Variants in HTR1F observed in about 807,000 individuals in gnomAD.
HTR1F encodes the protein 5-hydroxytryptamine (serotonin) receptor 1F, G protein-coupled.
In HTR1F, 17 loss-of-function variants were observed where a neutral mutation model predicts 24.0. That is an observed-to-expected ratio of 0.71 (90% confidence interval 0.48 to 1.06). The LOEUF (loss-of-function observed/expected upper bound fraction) is 1.06. Among genes scored for constraint, HTR1F ranks in the 50% least tolerant of loss-of-function variants. The probability of loss-of-function intolerance (pLI) is 0.00; values close to 1 mark genes in which losing one functional copy is unlikely to be tolerated. For synonymous variants in HTR1F, 186 were observed against 156.8 expected (o/e 1.19, Z -1.39); for missense variants, 391 against 427.8 (o/e 0.91, Z 0.76).
chr3:87,944,757 A>C (rs1008407973), intron 2 of HTR1F, among the ~76,000 whole-genome samples: 1 of 152,204 alleles, frequency 6.6e-6, no homozygotes, highest in African/African-American at 2.4e-5. Context: ...TTCCTCTAAA[A>C]GTTACTTCTC....
intron 1 of HTR1F, among the ~76,000 whole-genome samples, chr3:87,799,424 T>C (rs988341337): frequency 1.3e-5 from 2 of 152,162 alleles, no homozygotes; most frequent in East Asian, 3.8e-4. Flanking sequence ...ATCAATATTG[T>C]TAATGGAAAA....
intron 2 of HTR1F, among the ~76,000 whole-genome samples, chr3:87,951,103 C>G (rs1704823612): frequency 1.3e-5 from 2 of 152,086 alleles, no homozygotes; most frequent in South Asian, 4.1e-4. Flanking sequence ...ACCTCCGAAA[C>G]TTGGAAAACC....
At chr3:87,885,139 A>T (rs1395246139) in intron 2 of HTR1F, among the ~76,000 whole-genome samples, 1 of 152,086 alleles carries the variant, frequency 6.6e-6, no homozygotes, top group Non-Finnish European at 1.5e-5. Flanking sequence ...ACAACAAACT[A>T]TCTCTCAGAC....
intron 2 of HTR1F, among the ~76,000 whole-genome samples, chr3:87,889,446 T>C (rs1232275811): frequency 6.6e-6 from 1 of 152,178 alleles, no homozygotes; most frequent in Non-Finnish European, 1.5e-5. Context: ...TTCAAACAAG[T>C]CTCTTCACTG....
At chr3:87,947,194 TTTC>T (rs1165159761) in intron 2 of HTR1F, among the ~76,000 whole-genome samples, 1 of 152,232 alleles carries the variant, frequency 6.6e-6, no homozygotes, top group African/African-American at 2.4e-5. Context: ...ATCATAATAT[TTTC>T]TTCTCATCAT....
intron 2 of HTR1F, among the ~76,000 whole-genome samples, chr3:87,880,122 A>T (rs1705757656): frequency 6.6e-6 from 1 of 152,176 alleles, no homozygotes; most frequent in South Asian, 2.1e-4. Flanking sequence ...AGAAATGCAA[A>T]CTATTCTACA....
chr3:87,849,816 T>C (rs184962521), intron 2 of HTR1F, among the ~76,000 whole-genome samples: 1 of 152,000 alleles, frequency 6.6e-6, no homozygotes, highest in Admixed American at 6.5e-5. Context: ...CAGACGCTTC[T>C]CAAAAGAGGA....
rs1704270021 is a variant in HTR1F, at chr3:87,931,461, G to T, written c.-42-59247G>T. On this transcript the variant is annotated intron_variant, in intron 2 of 2. Transcript: ENST00000319595. Reference sequence around the variant, plus strand: ...TCCAGTCTATCATTGTTGGACATTTGGGTTGGTTCCAAGTCTTTGCTATTG... The same window carrying T: ...TCCAGTCTATCATTGTTGGACATTTTGGTTGGTTCCAAGTCTTTGCTATTG... 3.3e-5 allele frequency among the ~76,000 whole-genome samples: 5 copies of T among 152,206 alleles called. No individual in the cohort carries two copies. The South Asian group carries it at 1.0e-3, about 32-fold the overall frequency.
intron 2 of HTR1F, among the ~76,000 whole-genome samples, chr3:87,899,105 C>G (rs539838206): frequency 6.6e-6 from 1 of 152,246 alleles, no homozygotes; most frequent in South Asian, 2.1e-4. Context: ...CTCTTTCAGC[C>G]TTATGAATTT....
At chr3:87,986,150 A>C (rs1394193700) in intron 2 of HTR1F, among the ~76,000 whole-genome samples, 1 of 152,218 alleles carries the variant, frequency 6.6e-6, no homozygotes, top group Non-Finnish European at 1.5e-5. Context: ...GATGGTCCCT[A>C]GCACCATGAA....
chr3:87,991,928 C>A lies in HTR1F; in HGVS notation c.*78C>A. On this transcript the variant is annotated 3_prime_UTR_variant, in exon 3 of 3. Coordinates refer to ENST00000319595, the MANE Select transcript of HTR1F (RefSeq NM_001322209.2). ...TAGATGAATGCCAAATAATAAAACA[C>A]TTAAGCTTTTAGAGGGAAATACATG... 7.9e-7 allele frequency: 1 copy of A among 1,262,832 alleles called. No individual in the cohort carries two copies. 78.2% of individuals were successfully genotyped at this position (1,262,832 alleles called of 1,614,324 possible).
At chr3:87,831,861 T>C (rs1267136517) in intron 2 of HTR1F, among the ~76,000 whole-genome samples, 1 of 152,218 alleles carries the variant, frequency 6.6e-6, no homozygotes, top group Non-Finnish European at 1.5e-5. Flanking sequence ...ACATGTTTAT[T>C]TTATATTTTT....
intron 2 of HTR1F, among the ~76,000 whole-genome samples, chr3:87,906,708 C>T (rs1286484294): frequency 2.0e-5 from 3 of 151,518 alleles, no homozygotes; most frequent in Admixed American, 6.6e-5. Flanking sequence ...CTCATTCCCC[C>T]GGGTCCCCAA....
chr3:87,854,070 C>T (rs1313652092), intron 2 of HTR1F, among the ~76,000 whole-genome samples: 1 of 151,884 alleles, frequency 6.6e-6, no homozygotes, highest in Admixed American at 6.6e-5. Context: ...AATATCTTTA[C>T]ATTTATTTCT....
intron 2 of HTR1F, among the ~76,000 whole-genome samples, chr3:87,888,886 C>T (rs768928316): frequency 1.3e-5 from 2 of 152,106 alleles, no homozygotes; most frequent in Non-Finnish European, 2.9e-5. Flanking sequence ...TTAGGAAGAA[C>T]AGAAAGTGCT....
At chr3:87,931,026 CTTT>C (rs34617109) in intron 2 of HTR1F, among the ~76,000 whole-genome samples, 1,374 of 131,812 alleles carry the variant, frequency 0.01, 21 homozygotes, top group African/African-American at 0.035. Flanking sequence ...ATAGTCTTTC[CTTT>C]TTTTTTTTTT....
chr3:87,991,277 C>G lies in HTR1F; in HGVS notation c.528C>G (p.His176Gln). The change falls in exon 3 of 3, where the codon CAC becomes CAG. Residue 176 changes from histidine (H) to glutamine (Q), a missense_variant. By Grantham distance (24) the His-to-Gln change is conservative. Transcript: ENST00000319595. ...GAGATGATGAATGCATCATCAAGCA[C>G]GACCACATTGTTTCCACCATTTACT... ...TSRDDECIIKHDHIVSTIYST... is the reference protein window; with the variant it reads ...TSRDDECIIKQDHIVSTIYST... The G allele has an allele frequency of 6.2e-7, 1 of 1,613,930 alleles. No individual in the cohort carries two copies. The highest frequency in any genetic ancestry group is 1.3e-5 in the African/African-American group (1 of 75,050).
chr3:87,827,457 A>G (rs1412047401), intron 2 of HTR1F, among the ~76,000 whole-genome samples: 1 of 152,194 alleles, frequency 6.6e-6, no homozygotes, highest in African/African-American at 2.4e-5. Flanking sequence ...AAACAAGTGT[A>G]ATTTTTATGC....
chr3:87,903,126 A>C (rs980155074), intron 2 of HTR1F, among the ~76,000 whole-genome samples: 1 of 152,128 alleles, frequency 6.6e-6, no homozygotes, highest in Non-Finnish European at 1.5e-5. Context: ...AAACTAACTC[A>C]AGATGGATTC....
Sources: gnomAD v4.1 joint callset for allele counts (sites outside exome capture counted in the v4.1 genomes callset) on GRCh38, gnomAD v4.1.1 for gene constraint, MANE v1.5 for transcripts, NCBI Gene and HGNC (gene_info 2026-07-23, HGNC 2026-07-21) for gene names.